ROBO2: variants seen among roughly 807,000 people sequenced by gnomAD.
ROBO2 encodes the protein roundabout guidance receptor 2.
In ROBO2, 53 loss-of-function variants were observed where a neutral mutation model predicts 160.8. The observed-to-expected ratio is 0.33, with a 90% CI of 0.26 to 0.41. ROBO2 has a LOEUF of 0.41. ROBO2 is among the 10% of genes least tolerant of loss of function. The probability of loss-of-function intolerance (pLI) is 1.00; values close to 1 mark genes in which losing one functional copy is unlikely to be tolerated. For missense variants in ROBO2, 1,577 were observed against 1,722.4 expected (o/e 0.92, Z 1.49); for synonymous variants, 664 against 611.7 (o/e 1.09, Z -1.26).
At chr3:76,536,885 G>A (rs2082536050) in intron 2 of ROBO2, among the ~76,000 whole-genome samples, 1 of 152,124 alleles carries the variant, frequency 6.6e-6, no homozygotes, top group Non-Finnish European at 1.5e-5. Flanking sequence ...AGAGACAAAG[G>A]TACATGAATC....
intron 2 of ROBO2, among the ~76,000 whole-genome samples, chr3:76,280,699 AT>A (rs1708183812): frequency 6.6e-6 from 1 of 151,622 alleles, no homozygotes. Flanking sequence ...TTTTTCTTTC[AT>A]TTTCTTTATT....
At chr3:76,312,614 A>G (rs1369754229) in intron 2 of ROBO2, among the ~76,000 whole-genome samples, 2 of 152,252 alleles carry the variant, frequency 1.3e-5, no homozygotes, top group South Asian at 2.1e-4. Flanking sequence ...AGTGTTATCA[A>G]TGGATTTCTT....
At chr3:76,910,077 C>T (rs1199719075) in intron 2 of ROBO2, among the ~76,000 whole-genome samples, 1 of 152,094 alleles carries the variant, frequency 6.6e-6, no homozygotes, top group South Asian at 2.1e-4. Flanking sequence ...ACTACTGCTG[C>T]TGTTACTGGT....
intron 2 of ROBO2, among the ~76,000 whole-genome samples, chr3:77,353,650 A>G (rs2068660108): frequency 6.6e-6 from 1 of 152,002 alleles, no homozygotes; most frequent in South Asian, 2.1e-4. Context: ...AGCTGGGACT[A>G]TAGGCATGCA....
intron 2 of ROBO2, among the ~76,000 whole-genome samples, chr3:76,663,035 G>T (rs1337384809): frequency 1.3e-5 from 2 of 152,180 alleles, no homozygotes; most frequent in African/African-American, 4.8e-5. Flanking sequence ...TCACAGAAAA[G>T]AAGTGTGGTT....
intron 2 of ROBO2, among the ~76,000 whole-genome samples, chr3:76,440,200 C>G (rs145710741): frequency 9.4e-4 from 143 of 152,108 alleles, no homozygotes; most frequent in African/African-American, 3.2e-3. Context: ...GATGTACAAC[C>G]CCAATCAAGT....
chr3:76,464,804 A>G (rs2078278136), intron 2 of ROBO2, among the ~76,000 whole-genome samples: 3 of 152,118 alleles, frequency 2.0e-5, no homozygotes, highest in Non-Finnish European at 2.9e-5. Context: ...CCATATACAC[A>G]AATCCTTATG....
At chr3:76,636,953 A>G (rs932262701) in intron 2 of ROBO2, among the ~76,000 whole-genome samples, 4 of 79,840 alleles carry the variant, frequency 5.0e-5, no homozygotes, top group Admixed American at 3.4e-4. Context: ...TGGCAGGCCA[A>G]CAATGGGGAA....
At chr3:77,291,078 A>G (rs1439337858) in intron 2 of ROBO2, among the ~76,000 whole-genome samples, 4 of 150,724 alleles carry the variant, frequency 2.7e-5, no homozygotes, top group African/African-American at 4.9e-5. Context: ...CCCCAGACGT[A>G]AAGTAAAATT....
intron 2 of ROBO2, among the ~76,000 whole-genome samples, chr3:77,159,448 A>C (rs1328561065): frequency 6.6e-6 from 1 of 152,136 alleles, no homozygotes. Flanking sequence ...TAGATGTGGC[A>C]GTAGTCCTTG....
chr3:76,495,213 C>CTTT (rs35543664), intron 2 of ROBO2, among the ~76,000 whole-genome samples: 199 of 136,294 alleles, frequency 1.5e-3, no homozygotes, highest in African/African-American at 5.0e-3. Context: ...TCTTCATTTC[C>CTTT]TTTTTTTTTT....
chr3:76,107,806 TA>T (rs1313791153), intron 2 of ROBO2, among the ~76,000 whole-genome samples: 2 of 152,130 alleles, frequency 1.3e-5, no homozygotes, highest in Non-Finnish European at 2.9e-5. Context: ...ATATTTTTCT[TA>T]TTTTTCCCAC....
chr3:76,534,906 T>A (rs914672186), intron 2 of ROBO2, among the ~76,000 whole-genome samples: 9 of 151,902 alleles, frequency 5.9e-5, no homozygotes, highest in African/African-American at 2.2e-4. Flanking sequence ...AAATGGGCTG[T>A]AAAGAAGAAG....
chr3:77,506,734 A>G (rs1180419599), intron 5 of ROBO2, among the ~76,000 whole-genome samples: 1 of 152,154 alleles, frequency 6.6e-6, no homozygotes, highest in Non-Finnish European at 1.5e-5. Context: ...CATGGAAAAA[A>G]TCAATCTGGG....
chr3:77,648,654 A>T (rs2095428701), exon 26 of ROBO2: 1 of 152,216 alleles, frequency 6.6e-6, no homozygotes, highest in Non-Finnish European at 1.5e-5. Flanking sequence ...TAGCTATACA[A>T]AGGAATTCAG....
intron 2 of ROBO2, among the ~76,000 whole-genome samples, chr3:76,022,891 G>A (rs556410549): frequency 2.5e-4 from 38 of 151,854 alleles, no homozygotes; most frequent in African/African-American, 8.2e-4. Context: ...GTCCTAGACA[G>A]CATTTTATTT....
At chr3:77,428,662 A>G (rs1262940238) in intron 2 of ROBO2, among the ~76,000 whole-genome samples, 1 of 152,052 alleles carries the variant, frequency 6.6e-6, no homozygotes, top group Admixed American at 6.6e-5. Flanking sequence ...GGCCGGTAAT[A>G]TTTTATTGTT....
chr3:77,253,118 G>A (rs905603879), intron 2 of ROBO2, among the ~76,000 whole-genome samples: 1 of 151,916 alleles, frequency 6.6e-6, no homozygotes, highest in Admixed American at 6.6e-5. Flanking sequence ...CATGTCTCGT[G>A]TTACTTCAGA....
chr3:76,691,196 AG>A (rs2107219076), intron 2 of ROBO2, among the ~76,000 whole-genome samples: 1 of 152,208 alleles, frequency 6.6e-6, no homozygotes, highest in Non-Finnish European at 1.5e-5. Context: ...CTCCTAACAA[AG>A]GAATAAGTTC....
Sources: allele counts gnomAD v4.1 joint callset (sites outside exome capture counted in the v4.1 genomes callset), GRCh38; gene constraint gnomAD v4.1.1; transcripts MANE v1.5; gene names NCBI Gene and HGNC (gene_info 2026-07-23, HGNC 2026-07-21).